The following C10orf90 variants were observed in gnomAD, a reference collection of about 807,000 sequenced individuals.
The protein encoded by C10orf90 is chromosome 10 open reading frame 90.
In C10orf90, 56 loss-of-function variants were observed where a neutral mutation model predicts 62.5. The observed-to-expected ratio is 0.90, with a 90% confidence interval of 0.72 to 1.12. The LOEUF is 1.12. Ranked by LOEUF, C10orf90 falls within the 50% of genes most tolerant of loss-of-function variation. C10orf90 has a pLI of 0.00. For synonymous variants in C10orf90, 386 were observed against 340.4 expected (o/e 1.13, Z -1.47); for missense variants, 970 against 880.4 (o/e 1.10, Z -1.29).
intron 2 of C10orf90, among the ~76,000 whole-genome samples, chr10:126,645,423 A>T (rs1846150301): frequency 6.6e-6 from 1 of 151,424 alleles, no homozygotes; most frequent in Non-Finnish European, 1.5e-5. Flanking sequence ...CAAACAAACA[A>T]ACAAACAAAC....
intron 4 of C10orf90, among the ~76,000 whole-genome samples, chr10:126,479,934 T>A (rs567754770): frequency 4.6e-5 from 7 of 152,210 alleles, no homozygotes; most frequent in Non-Finnish European, 1.0e-4. Context: ...CTTGCTCAAT[T>A]TCTTACATGG....
At chr10:126,488,491 TAGAA>T (rs1861553831) in intron 4 of C10orf90, among the ~76,000 whole-genome samples, 1 of 151,402 alleles carries the variant, frequency 6.6e-6, no homozygotes, top group African/African-American at 2.4e-5. Flanking sequence ...AATAAACAAA[TAGAA>T]ATAAGAAAGC....
intron 2 of C10orf90, among the ~76,000 whole-genome samples, chr10:126,565,398 T>A (rs1278176901): frequency 1.4e-5 from 1 of 69,534 alleles, no homozygotes; most frequent in Non-Finnish European, 2.5e-5. Flanking sequence ...ATATATATTA[T>A]ATTATATATA....
intron 4 of C10orf90, among the ~76,000 whole-genome samples, chr10:126,496,068 T>A (rs763553515): frequency 9.2e-5 from 14 of 152,318 alleles, no homozygotes; most frequent in Non-Finnish European, 1.9e-4. Flanking sequence ...CTGTTACTCA[T>A]GTATAGACAG....
chr10:126,447,963 T>C (rs1402449222), intron 7 of C10orf90, among the ~76,000 whole-genome samples: 2 of 149,586 alleles, frequency 1.3e-5, no homozygotes, highest in African/African-American at 4.9e-5. Flanking sequence ...GTGACTCTCC[T>C]GCCTCAGCCT....
chr10:126,557,928 G>C (rs953791607), intron 2 of C10orf90, among the ~76,000 whole-genome samples: 2 of 151,862 alleles, frequency 1.3e-5, no homozygotes, highest in Non-Finnish European at 2.9e-5. Flanking sequence ...TTGCTCTTGG[G>C]GGGTGACGGT....
intron 5 of C10orf90, among the ~76,000 whole-genome samples, chr10:126,464,162 C>A (rs934521320): frequency 6.6e-6 from 1 of 152,152 alleles, no homozygotes; most frequent in African/African-American, 2.4e-5. Flanking sequence ...CAACTTGATC[C>A]CCAGAGAAAT....
chr10:126,474,245 G>A (rs887456589), intron 4 of C10orf90, among the ~76,000 whole-genome samples: 7 of 152,158 alleles, frequency 4.6e-5, no homozygotes, highest in African/African-American at 1.4e-4. Context: ...GGCTCCATCT[G>A]CCTCCATGAC....
chr10:126,614,654 T>G (rs1845504989), intron 2 of C10orf90, among the ~76,000 whole-genome samples: 1 of 152,094 alleles, frequency 6.6e-6, no homozygotes, highest in Admixed American at 6.6e-5. Context: ...TCTGCTATGC[T>G]TAGCTCAGCC....
intron 4 of C10orf90, chr10:126,470,004 C>T (rs1269781290): frequency 2.2e-6 from 1 of 456,420 alleles, no homozygotes; most frequent in East Asian, 6.9e-5. Flanking sequence ...CATGTTGTGT[C>T]CTGCAGTGGA....
chr10:126,574,191 A>T (rs764424201), intron 2 of C10orf90, among the ~76,000 whole-genome samples: 3 of 152,262 alleles, frequency 2.0e-5, no homozygotes, highest in Admixed American at 6.5e-5. Context: ...AATGTTGTGC[A>T]TAGTCACAAA....
intron 2 of C10orf90, among the ~76,000 whole-genome samples, chr10:126,517,184 T>C (rs912112344): frequency 1.3e-5 from 2 of 152,270 alleles, no homozygotes; most frequent in Admixed American, 1.3e-4. Context: ...ATGTAGGGCC[T>C]TTAAAATAAG....
At chr10:126,525,821 G>A (rs1591069333) in intron 2 of C10orf90, among the ~76,000 whole-genome samples, 1 of 151,996 alleles carries the variant, frequency 6.6e-6, no homozygotes, top group Non-Finnish European at 1.5e-5. Context: ...CCCTGGTGTG[G>A]GTTTGGTTTT....
At chr10:126,606,023 C>T (rs540625985) in intron 2 of C10orf90, among the ~76,000 whole-genome samples, 1 of 152,176 alleles carries the variant, frequency 6.6e-6, no homozygotes, top group East Asian at 1.9e-4. Context: ...AATTAGTAGC[C>T]TTGAAATTAA....
intron 7 of C10orf90, among the ~76,000 whole-genome samples, chr10:126,457,596 G>A (rs975278826): frequency 3.3e-5 from 5 of 152,150 alleles, no homozygotes; most frequent in Non-Finnish European, 4.4e-5. Context: ...GCTCTAAAGT[G>A]GCATCATTCT....
At chr10:126,636,052 G>A (rs1029511196) in intron 2 of C10orf90, among the ~76,000 whole-genome samples, 1 of 152,140 alleles carries the variant, frequency 6.6e-6, no homozygotes, top group African/African-American at 2.4e-5. Context: ...GTCTCCTCAT[G>A]TACCCAAGGT....
At chr10:126,536,091 G>A (rs1864227872) in intron 2 of C10orf90, among the ~76,000 whole-genome samples, 1 of 152,146 alleles carries the variant, frequency 6.6e-6, no homozygotes, top group Non-Finnish European at 1.5e-5. Flanking sequence ...GTCTCCCAGG[G>A]GTCCTCTGTG....
chr10:126,652,572 G>C (rs1846312216), intron 1 of C10orf90, among the ~76,000 whole-genome samples: 1 of 152,166 alleles, frequency 6.6e-6, no homozygotes, highest in Non-Finnish European at 1.5e-5. Context: ...TGTCTAATGA[G>C]ATGTGGTCTG....
rs1465704157 is a variant in C10orf90 at position 126,547,424 on chromosome 10, A to AT, written c.314-33486_314-33485insA. 5.8e-4 allele frequency among the ~76,000 whole-genome samples: 84 copies of AT among 145,666 alleles called. 1 individual carries two copies. Among genetic ancestry groups the AT allele is most frequent in the Middle Eastern group, 7.1e-3 (2 of 282 alleles). ...ACAGAGCAAGACTGTCAAAAAAAAA[A>AT]AAAATAAAATAAAGAGAAAGAAAGA... On this transcript the variant is annotated intron_variant, in intron 2 of 9. Transcript: ENST00000488181.
Sources: gnomAD v4.1 joint callset for allele counts (sites outside exome capture counted in the v4.1 genomes callset) on GRCh38, gnomAD v4.1.1 for gene constraint, MANE v1.5 for transcripts, NCBI Gene and HGNC (gene_info 2026-07-23, HGNC 2026-07-21) for gene names.